CSMD1: variants seen among roughly 807,000 people sequenced by gnomAD.
CSMD1 encodes the protein CUB and sushi domain-containing protein 1.
A neutral mutation model predicts 417.5 loss-of-function variants in CSMD1; 213 were observed. The observed-to-expected ratio is 0.51, with a 90% CI of 0.46 to 0.57. The LOEUF (loss-of-function observed/expected upper bound fraction) is 0.57, where lower values mean the gene tolerates loss of function less well. Ranked by LOEUF, CSMD1 falls within the 20% of genes least tolerant of loss-of-function variation. The pLI is 0.00. For synonymous variants in CSMD1, 2,862 were observed against 1,736.8 expected (o/e 1.65, Z -16.11); for missense variants, 6,923 against 4,529.7 (o/e 1.53, Z -15.17).
At chr8:3,241,072 G>GA (rs1554480614) in intron 26 of CSMD1, among the ~76,000 whole-genome samples, 56 of 148,538 alleles carry the variant, frequency 3.8e-4, no homozygotes, top group Middle Eastern at 7.1e-3. Flanking sequence ...AAGGTGAGGG[G>GA]ATACAAGAGG....
chr8:4,610,461 G>T (rs536170333), intron 2 of CSMD1, among the ~76,000 whole-genome samples: 32 of 152,120 alleles, frequency 2.1e-4, no homozygotes, highest in African/African-American at 7.7e-4. Context: ...TCTTCTTCAG[G>T]GACAGGCTCC....
intron 1 of CSMD1, among the ~76,000 whole-genome samples, chr8:4,771,428 T>C (rs575218431): frequency 1.3e-5 from 2 of 152,290 alleles, no homozygotes; most frequent in Admixed American, 6.5e-5. Flanking sequence ...AAATATCAAA[T>C]CCAAATCAAA....
intron 7 of CSMD1, among the ~76,000 whole-genome samples, chr8:3,648,148 A>G (rs959958711): frequency 7.2e-5 from 11 of 152,224 alleles, no homozygotes; most frequent in Non-Finnish European, 8.8e-5. Context: ...GCCCCAGATT[A>G]AGTTAGATAC....
At chr8:4,644,892 C>A (rs532562736) in intron 1 of CSMD1, among the ~76,000 whole-genome samples, 2 of 152,258 alleles carry the variant, frequency 1.3e-5, no homozygotes, top group South Asian at 2.1e-4. Flanking sequence ...ATTGTTGAAG[C>A]CTGTGGGTGA....
intron 10 of CSMD1, among the ~76,000 whole-genome samples, chr8:3,502,028 C>G (rs570293014): frequency 6.6e-6 from 1 of 152,096 alleles, no homozygotes; most frequent in Non-Finnish European, 1.5e-5. Flanking sequence ...TCTTACATAA[C>G]CAACTATATG....
intron 2 of CSMD1, among the ~76,000 whole-genome samples, chr8:4,575,648 T>G (rs1307049823): frequency 1.3e-5 from 2 of 152,182 alleles, no homozygotes; most frequent in African/African-American, 4.8e-5. Context: ...TCCCCTTGCC[T>G]ATACAAAGGA....
chr8:4,723,907 A>G (rs1673274), intron 1 of CSMD1, among the ~76,000 whole-genome samples: 42,941 of 151,872 alleles, frequency 0.28, 7,128 homozygotes, highest in African/African-American at 0.46. Flanking sequence ...TTTGTCCTGC[A>G]TATACAGATC....
intron 3 of CSMD1, among the ~76,000 whole-genome samples, chr8:4,217,668 A>AC (rs1800764621): frequency 6.6e-6 from 1 of 151,800 alleles, no homozygotes; most frequent in Non-Finnish European, 1.5e-5. Flanking sequence ...GAAAAAAAAA[A>AC]AAATTAGGAG....
At chr8:3,313,776 A>C (rs1220881404) in intron 23 of CSMD1, among the ~76,000 whole-genome samples, 7 of 152,188 alleles carry the variant, frequency 4.6e-5, no homozygotes, top group African/African-American at 1.4e-4. Flanking sequence ...CTGGGTATAT[A>C]CTCAAAGGAT....
intron 1 of CSMD1, among the ~76,000 whole-genome samples, chr8:4,796,004 C>G (rs977828100): frequency 1.3e-5 from 2 of 152,106 alleles, no homozygotes; most frequent in Non-Finnish European, 2.9e-5. Context: ...AGCAAAGAAA[C>G]AAATACAGCT....
At chr8:4,041,777 C>A (rs1272938565) in intron 3 of CSMD1, among the ~76,000 whole-genome samples, 4 of 151,898 alleles carry the variant, frequency 2.6e-5, no homozygotes, top group African/African-American at 9.7e-5. Flanking sequence ...TGTCTTGAGA[C>A]ATGGGAAATA....
At chr8:4,916,635 C>G (rs1327223374) in intron 1 of CSMD1, among the ~76,000 whole-genome samples, 1 of 152,086 alleles carries the variant, frequency 6.6e-6, no homozygotes, top group African/African-American at 2.4e-5. Flanking sequence ...TAGTAATAAC[C>G]TCCAATAAAA....
intron 3 of CSMD1, among the ~76,000 whole-genome samples, chr8:4,246,875 C>G (rs1563331402): frequency 6.6e-6 from 1 of 152,070 alleles, no homozygotes; most frequent in African/African-American, 2.4e-5. Context: ...TACAAAGTGA[C>G]TTTTTAAACA....
chr8:3,166,036 C>G (rs1213126694), intron 37 of CSMD1, among the ~76,000 whole-genome samples: 3 of 151,948 alleles, frequency 2.0e-5, no homozygotes, highest in Non-Finnish European at 4.4e-5. Context: ...TATTTATTCA[C>G]TGTATTAGTC....
chr8:3,668,064 T>C (rs1798795016), intron 7 of CSMD1, among the ~76,000 whole-genome samples: 1 of 152,150 alleles, frequency 6.6e-6, no homozygotes, highest in African/African-American at 2.4e-5. Flanking sequence ...CCTTGCTCAG[T>C]CTCAATCAGG....
intron 2 of CSMD1, among the ~76,000 whole-genome samples, chr8:4,563,631 T>G (rs1798450256): frequency 6.6e-6 from 1 of 152,176 alleles, no homozygotes; most frequent in East Asian, 1.9e-4. Flanking sequence ...CCTTCCTTCC[T>G]TAAAACATAA....
At position 3,641,552 on chromosome 8, in the gene CSMD1, G is replaced by A. The variant is rs868087340; in HGVS notation, c.1010-24755C>T. Among the ~76,000 whole-genome samples the A allele has an allele frequency of 3.9e-5, 6 of 152,192 alleles. No homozygotes were observed. The South Asian group carries it at 1.0e-3, about 26-fold the overall frequency. On this transcript the variant is annotated intron_variant, in intron 7 of 69. Transcript: ENST00000635120. ...TTCAGCACACAGAAAGGGAGTGTAT[G>A]AAAGTCAGAACATCCTTTCAGAAAT...
At chr8:3,912,860 G>C (rs560586990) in intron 5 of CSMD1, among the ~76,000 whole-genome samples, 49 of 152,170 alleles carry the variant, frequency 3.2e-4, no homozygotes, top group African/African-American at 1.1e-3. Flanking sequence ...TGGAGGGGGC[G>C]TAGTAGTGAT....
chr8:3,313,751 C>G (rs952254262), intron 23 of CSMD1, among the ~76,000 whole-genome samples: 9 of 152,084 alleles, frequency 5.9e-5, no homozygotes, highest in Admixed American at 4.6e-4. Context: ...ACCATTTGAC[C>G]CAGCCATCCC....
Sources: gnomAD v4.1 joint callset for allele counts (sites outside exome capture counted in the v4.1 genomes callset) on GRCh38, gnomAD v4.1.1 for gene constraint, MANE v1.5 for transcripts, NCBI Gene and HGNC (gene_info 2026-07-23, HGNC 2026-07-21) for gene names.